CCDC171: variants seen among roughly 807,000 people sequenced by gnomAD.
CCDC171 encodes the protein coiled-coil domain containing 171.
Under a neutral mutation model 168.2 loss-of-function variants are expected in CCDC171, and 177 were observed. The observed-to-expected ratio is 1.05, with a 90% CI of 0.93 to 1.19. The LOEUF (loss-of-function observed/expected upper bound fraction) is 1.19. Ranked by LOEUF, CCDC171 falls within the 50% of genes most tolerant of loss-of-function variation. CCDC171 has a pLI of 0.00. For missense variants in CCDC171, 1,991 were observed against 1,539.0 expected (o/e 1.29, Z -4.91); for synonymous variants, 687 against 540.8 (o/e 1.27, Z -3.75).
At chr9:15,984,728 A>G (rs1831930514) in intron 3 of CCDC171, among the ~76,000 whole-genome samples, 1 of 152,128 alleles carries the variant, frequency 6.6e-6, no homozygotes, top group Non-Finnish European at 1.5e-5. Flanking sequence ...TTGATATTTG[A>G]TGAAAAGGGT....
chr9:15,732,954 A>G (rs987521281), intron 16 of CCDC171, among the ~76,000 whole-genome samples: 4 of 152,282 alleles, frequency 2.6e-5, no homozygotes, highest in South Asian at 4.1e-4. Context: ...TTTGGTCTGC[A>G]CCTGTGCCAA....
intron 9 of CCDC171, among the ~76,000 whole-genome samples, chr9:15,675,243 C>T (rs541506750): frequency 5.7e-4 from 83 of 144,570 alleles, no homozygotes; most frequent in African/African-American, 2.0e-3. Context: ...TCCTCCATCC[C>T]TTTATTTTGA....
intron 18 of CCDC171, among the ~76,000 whole-genome samples, chr9:15,776,444 G>A (rs974490254): frequency 3.3e-5 from 5 of 152,166 alleles, no homozygotes; most frequent in Non-Finnish European, 7.3e-5. Flanking sequence ...ATTCCTAGAA[G>A]TTGATGCATC....
At chr9:15,621,198 C>T (rs900416854) in intron 6 of CCDC171, among the ~76,000 whole-genome samples, 2 of 152,172 alleles carry the variant, frequency 1.3e-5, no homozygotes, top group African/African-American at 4.8e-5. Context: ...GATTCCTGGG[C>T]TCAAGTGATC....
chr9:15,632,076 CA>C (rs1217369745), intron 7 of CCDC171, among the ~76,000 whole-genome samples: 1 of 152,006 alleles, frequency 6.6e-6, no homozygotes, highest in Non-Finnish European at 1.5e-5. Context: ...ACTAAATGGG[CA>C]AAAACTGGAA....
intron 9 of CCDC171, among the ~76,000 whole-genome samples, chr9:15,673,336 G>T (rs140582046): frequency 6.6e-6 from 1 of 152,032 alleles, no homozygotes; most frequent in Admixed American, 6.5e-5. Context: ...AATTGAATAC[G>T]CTTTATTTCT....
intron 4 of CCDC171, among the ~76,000 whole-genome samples, chr9:15,581,572 C>G (rs186887556): frequency 1.3e-5 from 2 of 152,062 alleles, no homozygotes; most frequent in African/African-American, 4.8e-5. Context: ...GGTACTGATA[C>G]CAAAACAGAT....
intron 25 of CCDC171, among the ~76,000 whole-genome samples, chr9:15,950,308 A>C (rs910611251): frequency 6.6e-6 from 1 of 152,152 alleles, no homozygotes; most frequent in African/African-American, 2.4e-5. Flanking sequence ...GAGCAACTCC[A>C]AGACACATAA....
upstream of CCDC171, among the ~76,000 whole-genome samples, chr9:16,039,591 A>G (rs1014071565): frequency 2.6e-5 from 4 of 152,194 alleles, no homozygotes; most frequent in Non-Finnish European, 4.4e-5. Flanking sequence ...GCTGTTCCAT[A>G]AACTCGTCTA....
intron 10 of CCDC171, among the ~76,000 whole-genome samples, chr9:15,694,948 A>G (rs372529141): frequency 7.1e-4 from 108 of 152,196 alleles, no homozygotes; most frequent in African/African-American, 2.4e-3. Flanking sequence ...TTGGGATAAT[A>G]ATAGCCTTTC....
At chr9:16,005,967 C>A (rs923508040) in intron 3 of CCDC171, among the ~76,000 whole-genome samples, 4 of 151,862 alleles carry the variant, frequency 2.6e-5, no homozygotes, top group Non-Finnish European at 4.4e-5. Flanking sequence ...TCAAGTGATT[C>A]TCCTGCCTCA....
At chr9:15,803,000 A>G (rs2058901330) in intron 21 of CCDC171, among the ~76,000 whole-genome samples, 1 of 152,146 alleles carries the variant, frequency 6.6e-6, no homozygotes, top group Non-Finnish European at 1.5e-5. Flanking sequence ...CATTTCTCTA[A>G]TGATCAGTGA....
intron 5 of CCDC171, among the ~76,000 whole-genome samples, chr9:15,593,229 A>T (rs1320520756): frequency 6.6e-6 from 1 of 152,148 alleles, no homozygotes; most frequent in Non-Finnish European, 1.5e-5. Flanking sequence ...TTGTGTGGAC[A>T]TGAGAGGCTT....
At chr9:15,708,670 A>C (rs2052428835) in intron 11 of CCDC171, among the ~76,000 whole-genome samples, 1 of 151,608 alleles carries the variant, frequency 6.6e-6, no homozygotes, top group Non-Finnish European at 1.5e-5. Flanking sequence ...TCTAGGAATC[A>C]AGACAAAAAA....
At chr9:15,651,130 G>A (rs2047480981) in intron 7 of CCDC171, among the ~76,000 whole-genome samples, 1 of 147,610 alleles carries the variant, frequency 6.8e-6, no homozygotes, top group African/African-American at 2.5e-5. Context: ...TTTTTTTTGA[G>A]ATGAAGTCTC....
At position 15,931,887 on chromosome 9, in the gene CCDC171, C is replaced by T. The variant is rs150170092; in HGVS notation, c.3753+11465C>T. ...TATTTATTGAAGAGATTGTCCTCTC[C>T]CCAATGTGTGTGCTTAGCACCTTAG... On this transcript the variant is annotated intron_variant, in intron 25 of 25. Transcript: ENST00000380701. 9.6e-3 allele frequency among the ~76,000 whole-genome samples: 1,451 copies of T among 151,592 alleles called. 11 individuals carry two copies. Among genetic ancestry groups the T allele is most frequent in the Non-Finnish European group, 0.016 (1,086 of 67,676 alleles).
chr9:15,810,853 G>C lies in CCDC171; in HGVS notation c.3267+26159G>C, dbSNP rs536348126. On this transcript the variant is annotated intron_variant, in intron 21 of 25. Transcript: ENST00000380701. Reference sequence around the variant, plus strand: ...GCCGGCCCAGAGAGGGGCTCCCACAGTGCAGCGGCAGGCTGAAGGGTTCCT... The same window carrying C: ...GCCGGCCCAGAGAGGGGCTCCCACACTGCAGCGGCAGGCTGAAGGGTTCCT... Among the ~76,000 whole-genome samples the C allele has an allele frequency of 7.9e-5, 12 of 152,344 alleles. No individual in the cohort carries two copies. The East Asian group carries it at 2.3e-3, about 29-fold the overall frequency.
chr9:16,082,654 C>T, the CCDC171 span, among the ~76,000 whole-genome samples: 4 of 152,114 alleles, frequency 2.6e-5, no homozygotes, highest in African/African-American at 9.7e-5. Flanking sequence ...GGAGAGTGTA[C>T]GCATGTGTAT....
At chr9:16,084,908 T>G in the CCDC171 span, among the ~76,000 whole-genome samples, 1 of 152,168 alleles carries the variant, frequency 6.6e-6, no homozygotes, top group African/African-American at 2.4e-5. Flanking sequence ...TGGTAACCAG[T>G]CAAGGGGCCT....
Sources: allele counts gnomAD v4.1 joint callset (sites outside exome capture counted in the v4.1 genomes callset), GRCh38; gene constraint gnomAD v4.1.1; transcripts MANE v1.5; gene names NCBI Gene and HGNC (gene_info 2026-07-23, HGNC 2026-07-21).